DUSP8: variants seen among roughly 807,000 people sequenced by gnomAD.
The protein encoded by DUSP8 is dual specificity phosphatase 8, also known as dual specificity protein phosphatase 8.
Under a neutral mutation model 38.7 loss-of-function variants are expected in DUSP8, and 15 were observed. The observed-to-expected ratio is 0.39, with a 90% CI of 0.26 to 0.60. The LOEUF (loss-of-function observed/expected upper bound fraction) is 0.60. Among genes scored for constraint, DUSP8 ranks in the 20% least tolerant of loss-of-function variants. DUSP8 has a pLI of 0.56. For synonymous variants in DUSP8, 458 were observed against 433.9 expected (o/e 1.06, Z -0.69); for missense variants, 768 against 915.0 (o/e 0.84, Z 2.07).
chr11:1,557,545 G>A lies in DUSP8; in HGVS notation c.851C>T (p.Ser284Leu). The change falls in exon 7 of 7, where the codon TCG becomes TTG. Residue 284 changes from serine (S) to leucine (L), a missense_variant. Around this residue, in one of 3 missense-constraint regions of DUSP8, gnomAD observed 252 missense variants for 410.4 expected, o/e 0.61. Coordinates refer to ENST00000397374, the MANE Select transcript of DUSP8 (RefSeq NM_004420.3). The surrounding 1 kb of genome is among the most constrained non-coding windows in gnomAD (Gnocchi z 9.9). ...RFVKDRRPSI[S>L]PNFNFLGQLL... ...CTGGCCCAGGAAGTTGAAGTTGGGC[G>A]AGATGGACGGGCGCCTGTCCTTCAC... The A allele has an allele frequency of 1.9e-6, 3 of 1,590,388 alleles. No individual in the cohort carries two copies. Among genetic ancestry groups the A allele is most frequent in the Non-Finnish European group, 2.5e-6 (3 of 1,176,476 alleles).
In DUSP8 at chr11:1,557,911, G is replaced by T; in HGVS notation, c.704C>A (p.Ala235Asp). The T allele has an allele frequency of 6.2e-7, 1 of 1,613,910 alleles. No homozygotes were observed. Among genetic ancestry groups the T allele is most frequent in the Non-Finnish European group, 8.5e-7 (1 of 1,180,020 alleles). The change falls in exon 6 of 7, where the codon GCC becomes GAC. Residue 235 changes from alanine to aspartate, a missense_variant. Around this residue, in one of 3 missense-constraint regions of DUSP8, gnomAD observed 252 missense variants for 410.4 expected, o/e 0.61. Transcript: ENST00000397374. This position sits in a 1 kb window ranked among gnomAD's most constrained non-coding sequence, Gnocchi z 9.9. ...GATGACTTGGCAGCTGGAGAGCTTG[G>T]CTTTATCTGGGCAGGTGGGCCATGG... ...LDKSIEFIDK[A>D]KLSSCQVIVH...
chr11:1,565,313 G>A (rs1456634598), intron 2 of DUSP8, among the ~76,000 whole-genome samples: 1 of 152,234 alleles, frequency 6.6e-6, no homozygotes, highest in Admixed American at 6.5e-5. Flanking sequence ...CTATCTGCGT[G>A]GGGAGGGCCC....
chr11:1,570,108 G>A (rs1469073466), intron 1 of DUSP8, among the ~76,000 whole-genome samples: 2 of 152,162 alleles, frequency 1.3e-5, no homozygotes, highest in East Asian at 3.8e-4. Context: ...TGGGGCGGGG[G>A]GCTCCCTCCG....
chr11:1,557,081 T>A lies in DUSP8; in HGVS notation c.1315A>T (p.Ser439Cys), dbSNP rs1487184961. The change falls in exon 7 of 7, where the codon AGC becomes TGC. Residue 439 changes from serine to cysteine, a missense_variant. This residue lies in a region of DUSP8 where 474 missense variants were observed against 430.8 expected (regional missense o/e 1.10). Transcript: ENST00000397374. This position sits in a 1 kb window ranked among gnomAD's most constrained non-coding sequence, Gnocchi z 9.9. The stretch of plus-strand genomic sequence containing the variant: ...GGCGCGGCGTCCGGGCTGTCCGGGC[T>A]GGGCGAGGACAGGCCCAGCGCGGCC... ...SGAALGLSSP[S>C]PDSPDAAPEA... is the part of the protein sequence containing the mutation. 31 of 1,273,592 alleles carry A rather than the reference T, an allele frequency of 2.4e-5. No individual in the cohort carries two copies. Among genetic ancestry groups the A allele is most frequent in the Non-Finnish European group, 2.9e-5 (29 of 1,011,456 alleles). The allele number at this position is 1,273,592 out of a possible 1,614,324, so 78.9% of individuals were successfully genotyped here.
chr11:1,563,943 G>A lies in DUSP8; in HGVS notation c.278C>T (p.Thr93Met), dbSNP rs1451663913. Reference sequence around the variant, plus strand: ...TGCGGCCAGCACGCTGGCGTCCCGCGTGCTCTGGTCATAGACCACCACGTC... The same window carrying A: ...TGCGGCCAGCACGCTGGCGTCCCGCATGCTCTGGTCATAGACCACCACGTC... ...PQDVVVYDQS[T>M]RDASVLAADS... Residue 93 changes from threonine to methionine, a missense_variant, in exon 3 of 7, where the codon ACG (threonine) becomes ATG (methionine). Around this residue, in one of 3 missense-constraint regions of DUSP8, gnomAD observed 252 missense variants for 410.4 expected, o/e 0.61. Coordinates refer to ENST00000397374, the MANE Select transcript of DUSP8 (RefSeq NM_004420.3). The A allele has an allele frequency of 1.3e-6, 2 of 1,540,652 alleles. No homozygotes were observed. Among genetic ancestry groups the A allele is most frequent in the Non-Finnish European group, 1.8e-6 (2 of 1,141,010 alleles).
At chr11:1,564,266 G>A (rs1485406311) in intron 2 of DUSP8, among the ~76,000 whole-genome samples, 1 of 152,210 alleles carries the variant, frequency 6.6e-6, no homozygotes, top group African/African-American at 2.4e-5. Context: ...CCATGCACAT[G>A]GGTGAAGGGG....
chr11:1,563,319 A>G (rs1221008628), intron 3 of DUSP8, among the ~76,000 whole-genome samples: 1 of 152,298 alleles, frequency 6.6e-6, no homozygotes, highest in East Asian at 1.9e-4. Flanking sequence ...GTGTGAGTGT[A>G]TATGAGTGTG....
At chr11:1,569,461 G>A (rs989763168) in intron 1 of DUSP8, among the ~76,000 whole-genome samples, 1 of 152,092 alleles carries the variant, frequency 6.6e-6, no homozygotes, top group African/African-American at 2.4e-5. Flanking sequence ...CTGTGTGCAA[G>A]TACCCACGCG....
At chr11:1,568,454 C>G (rs1848839320) in intron 1 of DUSP8, among the ~76,000 whole-genome samples, 1 of 152,168 alleles carries the variant, frequency 6.6e-6, no homozygotes, top group Admixed American at 6.5e-5. Flanking sequence ...GGAGCTGGGC[C>G]TATCACCCAC....
At position 1,558,355 on chromosome 11, in the gene DUSP8, T is replaced by A. The variant is rs1450505101; in HGVS notation, c.538-84A>T. ...GGTGGAGGCTTTTCCTGCCCTGCCG[T>A]CAGGAGGGCCTTTAGAATCCTGGGA... On this transcript the variant is annotated intron_variant, in intron 4 of 6. Coordinates refer to ENST00000397374, the MANE Select transcript of DUSP8 (RefSeq NM_004420.3). This position sits in a 1 kb window ranked among gnomAD's most constrained non-coding sequence, Gnocchi z 6.3. 7 of 1,172,998 alleles carry A rather than the reference T, an allele frequency of 6.0e-6. No individual in the cohort carries two copies. In the African/African-American group the frequency reaches 7.6e-5, roughly 13 times the overall value. The allele number at this position is 1,172,998 out of a possible 1,614,324, so 72.7% of individuals were successfully genotyped here. A position where few individuals can be genotyped will look rare whatever the true frequency, so the allele number is the denominator to read the frequency against.
At position 1,555,352 on chromosome 11, in the gene DUSP8, G is replaced by C; in HGVS notation, c.*1166C>G. Reference sequence around the variant, plus strand: ...CCTGTCTTGAGGCAGTGCTCCCTAAGTGAAGCAGGCCTATCCCAGCAGCAC... The same window carrying C: ...CCTGTCTTGAGGCAGTGCTCCCTAACTGAAGCAGGCCTATCCCAGCAGCAC... On this transcript the variant is annotated 3_prime_UTR_variant, in exon 7 of 7. Transcript: ENST00000397374. 4.0e-6 allele frequency: 4 copies of C among 987,780 alleles called. No individual in the cohort carries two copies. The highest frequency in any genetic ancestry group is 3.6e-6 in the Non-Finnish European group (3 of 830,208). 61.2% of individuals were successfully genotyped at this position (987,780 alleles called of 1,614,324 possible).
chr11:1,572,504 T>C (rs1280893026), upstream of DUSP8, among the ~76,000 whole-genome samples: 2 of 151,218 alleles, frequency 1.3e-5, no homozygotes, highest in African/African-American at 4.9e-5. The surrounding 1 kb of genome is among the most constrained non-coding windows in gnomAD (Gnocchi z 4.7). Flanking sequence ...GGACCGGCTC[T>C]TAAAGGGACC....
chr11:1,562,218 C>T (rs904949304), intron 3 of DUSP8, among the ~76,000 whole-genome samples: 35 of 152,190 alleles, frequency 2.3e-4, no homozygotes, highest in Admixed American at 7.9e-4. Context: ...ACTCTGGCCT[C>T]GAGGGAGACA....
intron 2 of DUSP8, among the ~76,000 whole-genome samples, 166 bp from the exon 3 acceptor site, chr11:1,564,155 C>T (rs906987753): frequency 1.3e-4 from 20 of 152,234 alleles, no homozygotes; most frequent in Admixed American, 1.2e-3. Context: ...CACACACTCT[C>T]CTCCATCTGC....
chr11:1,561,164 C>A (rs1302532482), intron 3 of DUSP8, among the ~76,000 whole-genome samples: 1 of 152,122 alleles, frequency 6.6e-6, no homozygotes, highest in Admixed American at 6.5e-5. Flanking sequence ...GGTCCCAGCA[C>A]TCTTTGGGCC....
chr11:1,562,586 T>C (rs745414985), intron 3 of DUSP8, among the ~76,000 whole-genome samples: 4 of 152,270 alleles, frequency 2.6e-5, no homozygotes, highest in African/African-American at 7.2e-5. Context: ...TGTATATACA[T>C]GCATATACAC....
chr11:1,558,472 G>T lies in DUSP8; in HGVS notation c.538-201C>A, dbSNP rs1362351131. On this transcript the variant is annotated intron_variant, in intron 4 of 6. Transcript: ENST00000397374. This position sits in a 1 kb window ranked among gnomAD's most constrained non-coding sequence, Gnocchi z 6.3. ...CTGGCACCCTGGGCCCGTGCGGGGG[G>T]TGGGGCACGGCTGGCCTCCGACTGC... 6.6e-6 allele frequency among the ~76,000 whole-genome samples: 1 copy of T among 152,104 alleles called. No homozygotes were observed. The highest frequency in any genetic ancestry group is 6.5e-5 in the Admixed American group (1 of 15,286).
At chr11:1,566,931 G>A (rs1848813803) in intron 1 of DUSP8, among the ~76,000 whole-genome samples, 2 of 152,146 alleles carry the variant, frequency 1.3e-5, no homozygotes, top group African/African-American at 2.4e-5. Flanking sequence ...CCCCACTGCC[G>A]GGCCCCATCT....
rs1200399930 is a variant in DUSP8 at position 1,556,597 on chromosome 11, C to T, written c.1799G>A (p.Arg600His). 2.1e-6 allele frequency: 3 copies of T among 1,434,774 alleles called. No homozygotes were observed. Among genetic ancestry groups the T allele is most frequent in the Non-Finnish European group, 2.7e-6 (3 of 1,094,780 alleles). The allele number at this position is 1,434,774 out of a possible 1,614,324, so 88.9% of individuals were successfully genotyped here. A position where few individuals can be genotyped will look rare whatever the true frequency, so the allele number is the denominator to read the frequency against. ...MEFEEGMVEG[R>H]ARGEELAALG... ...GGCGGCCAGCTCCTCGCCGCGCGCG[C>T]GCCCCTCCACCATGCCCTCCTCGAA... The change falls in exon 7 of 7, where the codon CGC becomes CAC. Residue 600 changes from arginine (R) to histidine (H), a missense_variant. Physicochemically the swap from Arg to His is conservative, Grantham distance 29. Around this residue, in one of 3 missense-constraint regions of DUSP8, gnomAD observed 42 missense variants for 73.7 expected, o/e 0.57. Coordinates refer to ENST00000397374, the MANE Select transcript of DUSP8 (RefSeq NM_004420.3). The surrounding 1 kb of genome is among the most constrained non-coding windows in gnomAD (Gnocchi z 5.2).
Sources: gnomAD v4.1 joint callset for allele counts (sites outside exome capture counted in the v4.1 genomes callset) on GRCh38, gnomAD v4.1.1 for gene constraint, gnomAD v4.1.1 regional missense constraint, Gnocchi (gnomAD v3.1) non-coding constraint, MANE v1.5 for transcripts, NCBI Gene and HGNC (gene_info 2026-07-23, HGNC 2026-07-21) for gene names.